TMEM163: variants seen among roughly 807,000 people sequenced by gnomAD.
The protein encoded by TMEM163 is transmembrane protein 163.
TMEM163 carries 17 observed loss-of-function variants against 29.3 expected under a neutral mutation model. The ratio of observed to expected loss-of-function variants is 0.58; its 90% confidence interval spans 0.40 to 0.87. The LOEUF is 0.87. Ranked by LOEUF, TMEM163 falls within the 40% of genes least tolerant of loss-of-function variation. The pLI is 0.00. For missense variants in TMEM163, 303 were observed against 381.5 expected, an observed-to-expected ratio of 0.79 and a Z score of 1.71; for synonymous variants, 157 against 160.6, an observed-to-expected ratio of 0.98 and a Z score of 0.17.
chr2:134,626,905 A>G (rs947647404), intron 2 of TMEM163, among the ~76,000 whole-genome samples: 2 of 152,180 alleles, frequency 1.3e-5, no homozygotes, highest in African/African-American at 4.8e-5. Context: ...CAGATCTAAG[A>G]ATCTGAGCAC....
At chr2:134,585,125 AC>A (rs1681783647) in intron 2 of TMEM163, among the ~76,000 whole-genome samples, 1 of 152,112 alleles carries the variant, frequency 6.6e-6, no homozygotes, top group African/African-American at 2.4e-5. Flanking sequence ...TCACATTTCA[AC>A]CCCACCTGGA....
intron 2 of TMEM163, among the ~76,000 whole-genome samples, chr2:134,577,286 G>A (rs1681577235): frequency 1.3e-5 from 2 of 152,132 alleles, no homozygotes; most frequent in South Asian, 2.1e-4. Context: ...AGCACACATC[G>A]TGGCTCTTCA....
chr2:134,484,041 T>G (rs1162909648), intron 5 of TMEM163, among the ~76,000 whole-genome samples: 2 of 151,462 alleles, frequency 1.3e-5, no homozygotes, highest in African/African-American at 4.9e-5. Flanking sequence ...TCGGGAGAGG[T>G]TGAGGCAGGA....
At chr2:134,583,327 G>GC in intron 2 of TMEM163, among the ~76,000 whole-genome samples, 1 of 152,330 alleles carries the variant, frequency 6.6e-6, no homozygotes, top group Admixed American at 6.5e-5. Context: ...TAGACCCACA[G>GC]CAAGTGCTTA....
At chr2:134,478,359 G>C (rs547138233) in intron 5 of TMEM163, among the ~76,000 whole-genome samples, 3 of 152,202 alleles carry the variant, frequency 2.0e-5, no homozygotes, top group Non-Finnish European at 4.4e-5. Context: ...GGAAAGTTTG[G>C]AATTTCTTAG....
chr2:134,518,827 T>C (rs1466328637), intron 4 of TMEM163, among the ~76,000 whole-genome samples: 3 of 152,202 alleles, frequency 2.0e-5, no homozygotes, highest in Non-Finnish European at 4.4e-5. Flanking sequence ...TCCAATCTGC[T>C]GCCTTTCTTG....
At chr2:134,591,705 G>A (rs1166208122) in intron 2 of TMEM163, among the ~76,000 whole-genome samples, 1 of 151,974 alleles carries the variant, frequency 6.6e-6, no homozygotes, top group Non-Finnish European at 1.5e-5. Flanking sequence ...AATGTTCCTG[G>A]CTCCCCAGTG....
chr2:134,595,491 A>G (rs1196105656), intron 2 of TMEM163, among the ~76,000 whole-genome samples: 1 of 152,164 alleles, frequency 6.6e-6, no homozygotes, highest in Non-Finnish European at 1.5e-5. Flanking sequence ...TATATGTGCC[A>G]CATTTTCTTA....
intron 2 of TMEM163, among the ~76,000 whole-genome samples, chr2:134,553,376 T>C (rs1275915616): frequency 6.6e-6 from 1 of 152,206 alleles, no homozygotes; most frequent in Non-Finnish European, 1.5e-5. Flanking sequence ...GGAGGGCACC[T>C]GATCCACTGT....
At chr2:134,519,640 A>G (rs979592930) in intron 4 of TMEM163, among the ~76,000 whole-genome samples, 1 of 151,984 alleles carries the variant, frequency 6.6e-6, no homozygotes, top group African/African-American at 2.4e-5. Flanking sequence ...AGAACCCAGG[A>G]GGCAGAGCTT....
intron 2 of TMEM163, among the ~76,000 whole-genome samples, chr2:134,552,571 C>T (rs1463093548): frequency 6.7e-6 from 1 of 149,588 alleles, no homozygotes; most frequent in African/African-American, 2.5e-5. Flanking sequence ...AAAAGAGTGA[C>T]AAATGATCTT....
chr2:134,716,257 G>C (rs1165877732), intron 1 of TMEM163, among the ~76,000 whole-genome samples: 2 of 152,168 alleles, frequency 1.3e-5, no homozygotes, highest in Non-Finnish European at 2.9e-5. Flanking sequence ...CCTAATTTTT[G>C]TGTTTAGTCC....
intron 2 of TMEM163, among the ~76,000 whole-genome samples, chr2:134,570,208 G>A (rs1681387984): frequency 6.6e-6 from 1 of 152,168 alleles, no homozygotes; most frequent in African/African-American, 2.4e-5. Context: ...CGGTAAGAAT[G>A]AATCTTCTAT....
intron 2 of TMEM163, among the ~76,000 whole-genome samples, chr2:134,555,268 C>T (rs1681022810): frequency 6.6e-6 from 1 of 152,150 alleles, no homozygotes; most frequent in Non-Finnish European, 1.5e-5. Context: ...CAGCACCCCA[C>T]CCCCCAACTT....
At chr2:134,464,353 C>T (rs750107006) in intron 6 of TMEM163, among the ~76,000 whole-genome samples, 5 of 152,142 alleles carry the variant, frequency 3.3e-5, no homozygotes, top group Non-Finnish European at 5.9e-5. Flanking sequence ...AACATCAGTT[C>T]CCGGGCCCCA....
At chr2:134,656,575 C>T (rs945566753) in intron 2 of TMEM163, among the ~76,000 whole-genome samples, 10 of 151,432 alleles carry the variant, frequency 6.6e-5, no homozygotes, top group Admixed American at 3.3e-4. Context: ...CTCCTCCCCC[C>T]GCCTTCTATT....
At chr2:134,693,621 A>C (rs1434439702) in intron 2 of TMEM163, among the ~76,000 whole-genome samples, 4 of 151,980 alleles carry the variant, frequency 2.6e-5, no homozygotes, top group African/African-American at 4.8e-5. Flanking sequence ...AAAAAAAAAA[A>C]AAAAAAAAAC....
chr2:134,474,958 C>G (rs1686883002), intron 5 of TMEM163, among the ~76,000 whole-genome samples: 2 of 152,020 alleles, frequency 1.3e-5, no homozygotes, highest in South Asian at 4.2e-4. Context: ...TCCCAGCAGG[C>G]TTTTTTAAAG....
chr2:134,501,027 A>G (rs1341732908), intron 5 of TMEM163, among the ~76,000 whole-genome samples: 2 of 152,222 alleles, frequency 1.3e-5, no homozygotes, highest in African/African-American at 4.8e-5. Context: ...TAAATGTTTG[A>G]GATAATGGAT....
Sources: allele counts gnomAD v4.1 joint callset (sites outside exome capture counted in the v4.1 genomes callset), GRCh38; gene constraint gnomAD v4.1.1; transcripts MANE v1.5; gene names NCBI Gene and HGNC (gene_info 2026-07-23, HGNC 2026-07-21).